Variants in EPHA6 observed in about 807,000 individuals in gnomAD.
EPHA6 encodes the protein ephrin type-A receptor 6.
In EPHA6, 50 loss-of-function variants were observed where a neutral mutation model predicts 112.0. The observed-to-expected ratio is 0.45, with a 90% CI of 0.36 to 0.56. The LOEUF is 0.56. Ranked by LOEUF, EPHA6 falls within the 20% of genes least tolerant of loss-of-function variation. The pLI, the probability that EPHA6 is intolerant of heterozygous loss-of-function variation, is 0.00. For missense variants in EPHA6, 1,280 were observed against 1,417.4 expected (o/e 0.90, Z 1.56); for synonymous variants, 529 against 490.7 (o/e 1.08, Z -1.03).
intron 14 of EPHA6, among the ~76,000 whole-genome samples, chr3:97,651,049 A>G: frequency 6.6e-6 from 1 of 152,064 alleles, no homozygotes; most frequent in East Asian, 1.9e-4. Context: ...GGCAAGCAAG[A>G]AATTTTATGT....
intron 11 of EPHA6, among the ~76,000 whole-genome samples, chr3:97,553,974 G>A (rs1197272024): frequency 6.6e-6 from 1 of 152,070 alleles, no homozygotes; most frequent in Non-Finnish European, 1.5e-5. Context: ...TAAACTATCA[G>A]CCTTGTTTAT....
At chr3:97,697,184 T>C (rs146369422) in intron 14 of EPHA6, among the ~76,000 whole-genome samples, 66 of 152,350 alleles carry the variant, frequency 4.3e-4, no homozygotes, top group African/African-American at 1.6e-3. Context: ...AAAATAGTTA[T>C]TTGTATCCCA....
intron 3 of EPHA6, among the ~76,000 whole-genome samples, chr3:97,044,890 A>G (rs1384095494): frequency 6.6e-6 from 1 of 152,106 alleles, no homozygotes; most frequent in Non-Finnish European, 1.5e-5. Flanking sequence ...TATATGCATT[A>G]AGATAAATAC....
At chr3:97,372,262 A>G (rs916813829) in intron 5 of EPHA6, among the ~76,000 whole-genome samples, 1 of 151,746 alleles carries the variant, frequency 6.6e-6, no homozygotes, top group Non-Finnish European at 1.5e-5. Flanking sequence ...TTTTCCCTTT[A>G]TTTCTTAGAC....
intron 3 of EPHA6, among the ~76,000 whole-genome samples, chr3:97,022,519 G>A (rs1292853144): frequency 6.6e-6 from 1 of 152,064 alleles, no homozygotes; most frequent in Non-Finnish European, 1.5e-5. Context: ...CTAGGTTGTG[G>A]GTGGGCTTCA....
At chr3:97,540,862 T>C (rs931006234) in intron 11 of EPHA6, among the ~76,000 whole-genome samples, 1 of 152,298 alleles carries the variant, frequency 6.6e-6, no homozygotes, top group East Asian at 1.9e-4. Flanking sequence ...CCCAAATCAT[T>C]CATGATATGA....
intron 5 of EPHA6, among the ~76,000 whole-genome samples, chr3:97,379,146 A>G (rs1008582120): frequency 1.3e-5 from 2 of 152,128 alleles, no homozygotes; most frequent in Admixed American, 1.3e-4. Context: ...TTGTCAAGGT[A>G]GTGAATAAGT....
At chr3:97,425,875 G>A (rs1202310866) in intron 6 of EPHA6, among the ~76,000 whole-genome samples, 1 of 152,064 alleles carries the variant, frequency 6.6e-6, no homozygotes, top group Non-Finnish European at 1.5e-5. Context: ...TCTAGGGCAG[G>A]GGCAAAATGC....
At chr3:96,874,402 A>G (rs1299769735) in intron 2 of EPHA6, among the ~76,000 whole-genome samples, 72 of 152,094 alleles carry the variant, frequency 4.7e-4, no homozygotes, top group Non-Finnish European at 2.5e-4. Flanking sequence ...TTTTAGAGAC[A>G]TTGTTTTCAT....
At chr3:97,657,571 C>T (rs996103531) in intron 14 of EPHA6, among the ~76,000 whole-genome samples, 14 of 151,830 alleles carry the variant, frequency 9.2e-5, no homozygotes, top group African/African-American at 3.1e-4. Flanking sequence ...AGACACGAAT[C>T]ATTAATTTGA....
At position 96,985,579 on chromosome 3, in the gene EPHA6, A is replaced by T. The variant is rs117222681; in HGVS notation, c.451-1751A>T. 3.5e-3 allele frequency among the ~76,000 whole-genome samples: 534 copies of T among 152,298 alleles called. 9 individuals are homozygous for T. In the East Asian group the frequency reaches 0.045, roughly 13 times the overall value. On this transcript the variant is annotated intron_variant, in intron 2 of 17. Transcript: ENST00000389672. ...GATGGGAAATATCATGTATATTCCC[A>T]TGAGATTTTTGAATCACCCCTGGTA...
chr3:97,674,301 T>C (rs200198653), intron 14 of EPHA6, among the ~76,000 whole-genome samples: 1 of 152,322 alleles, frequency 6.6e-6, no homozygotes, highest in East Asian at 1.9e-4. Flanking sequence ...GCTCATTTTC[T>C]AATGCTTCAT....
Position 97,244,092 on chromosome 3 carries a change from A to G in EPHA6, c.1411A>G (p.Ser471Gly), listed in dbSNP as rs2078921305. ...VICKKCGLDT[S>G]QCEDCGGGLR... is the part of the protein sequence containing the mutation. ...CTGTAAGAAATGTGGCTTAGACACC[A>G]GCCAGTGTGAGGACTGTGGTGGAGG... Residue 471 changes from serine (S) to glycine (G), a missense_variant, in exon 5 of 18, where the codon AGC (serine) becomes GGC (glycine). Physicochemically the swap from Ser to Gly is moderately conservative, Grantham distance 56. Coordinates refer to ENST00000389672, the MANE Select transcript of EPHA6 (RefSeq NM_001080448.3). 1 of 1,612,950 alleles carries G rather than the reference A, an allele frequency of 6.2e-7. No individual in the cohort carries two copies. The highest frequency in any genetic ancestry group is 8.5e-7 in the Non-Finnish European group (1 of 1,179,344).
At chr3:97,302,162 C>A (rs1211264192) in intron 5 of EPHA6, among the ~76,000 whole-genome samples, 1 of 152,008 alleles carries the variant, frequency 6.6e-6, no homozygotes, top group Non-Finnish European at 1.5e-5. Context: ...TATTCCCTTT[C>A]TCTACAGTAT....
chr3:97,553,542 A>G (rs1049281460), intron 11 of EPHA6, among the ~76,000 whole-genome samples: 1 of 152,064 alleles, frequency 6.6e-6, no homozygotes, highest in Non-Finnish European at 1.5e-5. Flanking sequence ...TGCAGGAGAG[A>G]GAGAGAGAGA....
At chr3:96,949,272 C>T (rs2041424610) in intron 2 of EPHA6, among the ~76,000 whole-genome samples, 1 of 151,924 alleles carries the variant, frequency 6.6e-6, no homozygotes, top group South Asian at 2.1e-4. Flanking sequence ...AAAAATATTA[C>T]ATGAAACAAA....
chr3:97,490,857 G>C (rs2091820899), intron 10 of EPHA6, among the ~76,000 whole-genome samples: 1 of 152,188 alleles, frequency 6.6e-6, no homozygotes, highest in Non-Finnish European at 1.5e-5. Context: ...AGCTGGGACT[G>C]TGGTCTCAAC....
At chr3:97,431,497 A>G (rs1024050394) in intron 6 of EPHA6, among the ~76,000 whole-genome samples, 3 of 152,120 alleles carry the variant, frequency 2.0e-5, no homozygotes, top group East Asian at 1.9e-4. Flanking sequence ...TCCATTTCAG[A>G]CAAGGACATT....
chr3:97,705,457 T>C (rs564825374), intron 14 of EPHA6, among the ~76,000 whole-genome samples: 4 of 152,312 alleles, frequency 2.6e-5, no homozygotes, highest in Admixed American at 2.0e-4. Context: ...ATTAGCACTG[T>C]TGTGATTGTA....
Sources: gnomAD v4.1 joint callset for allele counts (sites outside exome capture counted in the v4.1 genomes callset) on GRCh38, gnomAD v4.1.1 for gene constraint, MANE v1.5 for transcripts, NCBI Gene and HGNC (gene_info 2026-07-23, HGNC 2026-07-21) for gene names.